Variants in PBLD observed in about 807,000 individuals in gnomAD.
PBLD encodes phenazine biosynthesis-like domain-containing protein.
PBLD carries 26 observed loss-of-function variants against 31.3 expected under a neutral mutation model. The ratio of observed to expected loss-of-function variants is 0.83; its 90% CI spans 0.61 to 1.15. PBLD has a LOEUF of 1.15. Among genes scored for constraint, PBLD ranks in the 50% most tolerant of loss-of-function variants. The pLI is 0.00. For missense variants in PBLD, 307 were observed against 351.7 expected (o/e 0.87, Z 1.02); for synonymous variants, 114 against 129.0 (o/e 0.88, Z 0.79).
intron 8 of PBLD, among the ~76,000 whole-genome samples, chr10:68,285,970 G>A (rs4633337): frequency 6.6e-6 from 1 of 151,876 alleles, no homozygotes; most frequent in East Asian, 1.9e-4. Flanking sequence ...TATGAGCCAC[G>A]GTGACTGGTC....
At chr10:68,318,493 G>A (rs1308586567) in intron 1 of PBLD, among the ~76,000 whole-genome samples, 2 of 147,498 alleles carry the variant, frequency 1.4e-5, no homozygotes, top group South Asian at 2.2e-4. Flanking sequence ...CCACTGCACT[G>A]TAGCCTTGGT....
At position 68,292,050 on chromosome 10, in the gene PBLD, G is replaced by GAA; in HGVS notation, c.394-12_394-11insTT. On this transcript the variant is annotated splice_polypyrimidine_tract_variant and intron_variant, in intron 5 of 9. Coordinates refer to ENST00000358769, the MANE Select transcript of PBLD (RefSeq NM_022129.4). ...TACTTCATGGAAGTCCTAGATGGGG[G>GAA]GAAAAAAAACAAAATTATTATAAAA... The GAA allele has an allele frequency of 6.3e-7, 1 of 1,587,296 alleles. No homozygotes were observed. The highest frequency in any genetic ancestry group is 8.6e-7 in the Non-Finnish European group (1 of 1,159,554).
At chr10:68,315,576 CAAA>C (rs112264819) in intron 1 of PBLD, among the ~76,000 whole-genome samples, 1 of 110,290 alleles carries the variant, frequency 9.1e-6, no homozygotes, top group Admixed American at 9.5e-5. Flanking sequence ...AGTCTGTCTC[CAAA>C]AAAAAAAAAA....
intron 4 of PBLD, 79 bp from the exon 5 acceptor site, chr10:68,292,317 G>T: frequency 8.0e-7 from 1 of 1,247,528 alleles, no homozygotes; most frequent in Non-Finnish European, 1.1e-6. Context: ...CCTTTGCATT[G>T]TCTTAGATTT....
At chr10:68,318,375 TAAAAAAAA>T (rs34722771) in intron 1 of PBLD, among the ~76,000 whole-genome samples, 62 of 51,290 alleles carry the variant, frequency 1.2e-3, no homozygotes, top group African/African-American at 4.1e-3. Context: ...CTGCCTCTAT[TAAAAAAAA>T]AAAAAAAAAA....
intron 6 of PBLD, among the ~76,000 whole-genome samples, chr10:68,289,381 G>T (rs978781047): frequency 6.6e-6 from 1 of 152,016 alleles, no homozygotes; most frequent in Non-Finnish European, 1.5e-5. Flanking sequence ...ACAAAAATTA[G>T]TCGGGCATGG....
chr10:68,300,930 C>T (rs2134459334), intron 2 of PBLD, among the ~76,000 whole-genome samples: 1 of 152,260 alleles, frequency 6.6e-6, no homozygotes, highest in East Asian at 1.9e-4. Flanking sequence ...CGGAATCTCG[C>T]TCTGTCACCC....
At chr10:68,297,120 G>A (rs2044440915) in intron 2 of PBLD, 135 bp from the exon 3 acceptor site, 1 of 700,644 alleles carries the variant, frequency 1.4e-6, no homozygotes, top group African/African-American at 1.8e-5. Context: ...AATTACCAAG[G>A]AATTCAAGGC....
At chr10:68,293,108 G>A (rs542958338) in intron 4 of PBLD, among the ~76,000 whole-genome samples, 2 of 152,256 alleles carry the variant, frequency 1.3e-5, no homozygotes, top group East Asian at 1.9e-4. Context: ...CAATCCTCCC[G>A]CCTTGGCTCC....
At chr10:68,285,440 T>C (rs764182007) in intron 8 of PBLD, 30 bp from the exon 9 acceptor site, 12 of 1,575,012 alleles carry the variant, frequency 7.6e-6, no homozygotes, top group Middle Eastern at 1.7e-4. Flanking sequence ...TAGGAGACAA[T>C]CCCCAAGAAA....
chr10:68,291,283 A>G (rs2044355153), intron 6 of PBLD, among the ~76,000 whole-genome samples: 1 of 152,238 alleles, frequency 6.6e-6, no homozygotes, highest in African/African-American at 2.4e-5. Flanking sequence ...ATGCAAGTGA[A>G]ATGCTCAGCA....
intron 1 of PBLD, chr10:68,331,784 T>TGCCATC (rs2045107199): frequency 6.6e-6 from 1 of 152,316 alleles, no homozygotes; most frequent in Non-Finnish European, 1.5e-5. Context: ...GAACTGCCAT[T>TGCCATC]GCCATCGCCC....
Position 68,297,009 on chromosome 10 carries a change from T to C in PBLD, c.85-24A>G, listed in dbSNP as rs751462776. 3 of 1,570,442 alleles carry C rather than the reference T, an allele frequency of 1.9e-6. No homozygotes were observed. In the East Asian group the frequency reaches 6.7e-5, roughly 35 times the overall value. On this transcript the variant is annotated intron_variant, in intron 2 of 9. Transcript: ENST00000358769. Reference sequence around the variant, plus strand: ...TCCTTAATTAGAAACAGACGATCATTGAGGTTTCAAAAACACAGATCAGAC... The same window carrying C: ...TCCTTAATTAGAAACAGACGATCATCGAGGTTTCAAAAACACAGATCAGAC...
At chr10:68,301,078 T>G (rs1398516854) in intron 2 of PBLD, among the ~76,000 whole-genome samples, 8 of 152,200 alleles carry the variant, frequency 5.3e-5, no homozygotes, top group African/African-American at 1.9e-4. Flanking sequence ...TGTATTTTAT[T>G]AGAGATGAGG....
chr10:68,330,916 G>A (rs1003162943), intron 1 of PBLD, among the ~76,000 whole-genome samples: 9 of 152,144 alleles, frequency 5.9e-5, no homozygotes, highest in African/African-American at 2.2e-4. Flanking sequence ...GTGCACTGGC[G>A]CAATCACGGC....
rs375402467 is a variant in PBLD, at chr10:68,318,023, C to T, written c.-59-11120G>A. Among the ~76,000 whole-genome samples the T allele has an allele frequency of 5.9e-4, 90 of 152,038 alleles. 1 individual carries two copies. The East Asian group carries it at 8.7e-3, about 15-fold the overall frequency. On this transcript the variant is annotated intron_variant, in intron 1 of 9. Coordinates refer to ENST00000358769, the MANE Select transcript of PBLD (RefSeq NM_022129.4). ...TGGGCAGATCACGAGGTCAGGAGAT[C>T]GAGACCATCCTGGATAACACAGGGA...
chr10:68,298,005 C>A (rs1174506103), intron 2 of PBLD, among the ~76,000 whole-genome samples: 1 of 151,254 alleles, frequency 6.6e-6, no homozygotes, highest in East Asian at 1.9e-4. Context: ...GTGGCTTATG[C>A]CTGTAATCCT....
intron 1 of PBLD, among the ~76,000 whole-genome samples, chr10:68,317,863 T>A (rs562201614): frequency 5.3e-5 from 8 of 152,094 alleles, no homozygotes; most frequent in Admixed American, 1.3e-4. Context: ...AATATACTTA[T>A]TACTATTGAG....
At chr10:68,319,107 GAAA>G (rs2044790729) in intron 1 of PBLD, among the ~76,000 whole-genome samples, 1 of 120,586 alleles carries the variant, frequency 8.3e-6, no homozygotes, top group Non-Finnish European at 1.7e-5. Flanking sequence ...AAGAAAGAAA[GAAA>G]GGAAAAAGAA....
Sources: allele counts gnomAD v4.1 joint callset (sites outside exome capture counted in the v4.1 genomes callset), GRCh38; gene constraint gnomAD v4.1.1; transcripts MANE v1.5; gene names NCBI Gene and HGNC (gene_info 2026-07-23, HGNC 2026-07-21).